The following CCDC63 variants were observed in gnomAD, a reference collection of about 807,000 sequenced individuals.
CCDC63 encodes coiled-coil domain-containing protein 63.
In CCDC63, 54 loss-of-function variants were observed where a neutral mutation model predicts 63.6. The ratio of observed to expected loss-of-function variants is 0.85; its 90% CI spans 0.68 to 1.07. The LOEUF (loss-of-function observed/expected upper bound fraction) is 1.07, where lower values mean the gene tolerates loss of function less well. CCDC63 is among the 50% of genes least tolerant of loss of function. The pLI, the probability that CCDC63 is intolerant of heterozygous loss-of-function variation, is 0.00. For synonymous variants in CCDC63, 253 were observed against 266.1 expected (o/e 0.95, Z 0.48); for missense variants, 637 against 689.6 (o/e 0.92, Z 0.86).
intron 4 of CCDC63, among the ~76,000 whole-genome samples, chr12:110,864,150 G>C (rs2070904005): frequency 6.6e-6 from 1 of 152,254 alleles, no homozygotes; most frequent in Non-Finnish European, 1.5e-5. Context: ...GAGTAGACCA[G>C]GGGTAGCAAA....
intron 1 of CCDC63, among the ~76,000 whole-genome samples, chr12:110,847,852 T>A (rs995786495): frequency 6.6e-6 from 1 of 152,176 alleles, no homozygotes; most frequent in Non-Finnish European, 1.5e-5. Context: ...CAGAAGCAGA[T>A]GAGGTGCAGG....
At chr12:110,849,033 C>T (rs1324713623) in intron 1 of CCDC63, among the ~76,000 whole-genome samples, 1 of 152,208 alleles carries the variant, frequency 6.6e-6, no homozygotes, top group Non-Finnish European at 1.5e-5. Context: ...GAACCATTGT[C>T]TTATACCACT....
intron 5 of CCDC63, among the ~76,000 whole-genome samples, chr12:110,876,700 T>G (rs1423863671): frequency 5.9e-5 from 9 of 152,028 alleles, no homozygotes; most frequent in Non-Finnish European, 1.3e-4. Flanking sequence ...ATGGGAGCAC[T>G]TTACGTGGTC....
chr12:110,899,895 T>C (rs147966175), intron 10 of CCDC63, among the ~76,000 whole-genome samples: 161 of 152,098 alleles, frequency 1.1e-3, no homozygotes, highest in Non-Finnish European at 1.7e-3. Flanking sequence ...CTTTCTTAAC[T>C]TGATAAAAGA....
intron 10 of CCDC63, among the ~76,000 whole-genome samples, chr12:110,901,129 C>T (rs940387790): frequency 6.6e-6 from 1 of 152,092 alleles, no homozygotes; most frequent in African/African-American, 2.4e-5. Context: ...TGGTGAGACA[C>T]TCTTTTAAAA....
intron 5 of CCDC63, among the ~76,000 whole-genome samples, chr12:110,874,319 T>C (rs2071104380): frequency 6.6e-6 from 1 of 152,172 alleles, no homozygotes; most frequent in South Asian, 2.1e-4. Flanking sequence ...GCCTCTATCA[T>C]AGCCAGTGCC....
rs568427218 is a variant in CCDC63, at chr12:110,861,070, C to G, written c.369+2295C>G. Reference sequence around the variant, plus strand: ...AGGAAGAAGAGAGAGACGGGGGAGGCGCCACACACTTTTAAACAACCAGAT... The same window carrying G: ...AGGAAGAAGAGAGAGACGGGGGAGGGGCCACACACTTTTAAACAACCAGAT... On this transcript the variant is annotated intron_variant, in intron 4 of 11. Transcript: ENST00000308208. 3.9e-4 allele frequency among the ~76,000 whole-genome samples: 59 copies of G among 152,098 alleles called. 1 individual carries two copies. In the South Asian group the frequency reaches 0.011, roughly 27 times the overall value.
intron 4 of CCDC63, among the ~76,000 whole-genome samples, chr12:110,861,641 G>A (rs1049798417): frequency 5.3e-5 from 8 of 151,730 alleles, no homozygotes; most frequent in Middle Eastern, 3.4e-3. Context: ...GTGCGATCTC[G>A]GCTCACTGCA....
chr12:110,902,218 A>G (rs982004544), intron 10 of CCDC63, among the ~76,000 whole-genome samples: 16 of 152,230 alleles, frequency 1.1e-4, no homozygotes, highest in African/African-American at 3.9e-4. Flanking sequence ...CCCGGATGCC[A>G]GCCCAAGCCT....
At chr12:110,876,270 C>T (rs377258527) in intron 5 of CCDC63, among the ~76,000 whole-genome samples, 173 of 147,818 alleles carry the variant, frequency 1.2e-3, no homozygotes, top group Middle Eastern at 7.0e-3. Flanking sequence ...TAGTATGCTA[C>T]GGTCCTGGAG....
At chr12:110,905,826 ACACACACGTGTATGT>A (rs2071552613) in intron 11 of CCDC63, among the ~76,000 whole-genome samples, 1 of 127,298 alleles carries the variant, frequency 7.9e-6, no homozygotes, top group East Asian at 2.2e-4. Context: ...GCGTGTGTAC[ACACACACGTGTATGT>A]ATATATATGT....
chr12:110,888,783 TTCTTTCCTTCCTTCCTTCC>T, intron 8 of CCDC63, among the ~76,000 whole-genome samples: 1 of 146,346 alleles, frequency 6.8e-6, no homozygotes, highest in South Asian at 2.3e-4. Flanking sequence ...TTTTTGGTCC[TTCTTTCCTTCCTTCCTTCC>T]TTCCTTCCTT....
intron 4 of CCDC63, among the ~76,000 whole-genome samples, chr12:110,867,642 A>T (rs1347313822): frequency 2.9e-5 from 3 of 104,786 alleles, no homozygotes; most frequent in Admixed American, 9.4e-5. Context: ...ACTTCCCAGT[A>T]GGGGCGGCCG....
chr12:110,894,577 C>T (rs927892562), intron 9 of CCDC63, among the ~76,000 whole-genome samples: 9 of 152,126 alleles, frequency 5.9e-5, no homozygotes, highest in Admixed American at 5.9e-4. Context: ...ACATGCTGCC[C>T]ATTGAGGTGC....
chr12:110,880,785 GTGA>G (rs755723385), intron 6 of CCDC63, among the ~76,000 whole-genome samples: 29 of 1,106 alleles, frequency 0.026, no homozygotes, highest in East Asian at 0.19. Flanking sequence ...GATGATGGTG[GTGA>G]TGATGATGGT....
chr12:110,853,495 C>G lies in CCDC63; in HGVS notation c.100C>G (p.Leu34Val). ...EQQAEAELRKLRQQFRKMVES... is the reference protein window; with the variant it reads ...EQQAEAELRKVRQQFRKMVES... ...GCAGGCGGAGGCAGAGCTCCGGAAGCTAAGGCAGCAGTTCAGGAAGATGGT... is the reference window on the plus strand; with the variant it reads ...GCAGGCGGAGGCAGAGCTCCGGAAGGTAAGGCAGCAGTTCAGGAAGATGGT... The change falls in exon 3 of 12, where the codon CTA (leucine) becomes GTA (valine). Residue 34 changes from leucine to valine, a missense_variant. Transcript: ENST00000308208. 6.2e-7 allele frequency: 1 copy of G among 1,614,218 alleles called. No individual in the cohort carries two copies. Among genetic ancestry groups the G allele is most frequent in the Non-Finnish European group, 8.5e-7 (1 of 1,180,040 alleles).
chr12:110,850,825 C>A (rs1271844880), intron 1 of CCDC63, among the ~76,000 whole-genome samples: 1 of 152,210 alleles, frequency 6.6e-6, no homozygotes, highest in East Asian at 1.9e-4. Flanking sequence ...CCACTAGATA[C>A]TGCCTATACT....
intron 4 of CCDC63, among the ~76,000 whole-genome samples, chr12:110,868,539 G>T (rs976449788): frequency 2.6e-5 from 4 of 150,998 alleles, no homozygotes; most frequent in Non-Finnish European, 5.9e-5. Flanking sequence ...AGACCGGCCC[G>T]GCCAACACAG....
chr12:110,894,755 C>T (rs887769408), intron 9 of CCDC63, among the ~76,000 whole-genome samples: 8 of 152,172 alleles, frequency 5.3e-5, no homozygotes, highest in African/African-American at 1.7e-4. Context: ...TGGCGCCCCT[C>T]TACATCTTGG....
Sources: allele counts gnomAD v4.1 joint callset (sites outside exome capture counted in the v4.1 genomes callset), GRCh38; gene constraint gnomAD v4.1.1; transcripts MANE v1.5; gene names NCBI Gene and HGNC (gene_info 2026-07-23, HGNC 2026-07-21).